CMC1: variants seen among roughly 807,000 people sequenced by gnomAD.
CMC1 encodes C-X9-C motif containing 1.
In CMC1, 14 loss-of-function variants were observed where a neutral mutation model predicts 14.1. The observed-to-expected ratio is 0.99, with a 90% CI of 0.66 to 1.55. The LOEUF is 1.55. Ranked by LOEUF, CMC1 falls within the 40% of genes most tolerant of loss-of-function variation. The pLI is 0.00. For missense variants in CMC1, 127 were observed against 123.8 expected, an observed-to-expected ratio of 1.03 and a Z score of -0.12; for synonymous variants, 50 against 38.4, an observed-to-expected ratio of 1.30 and a Z score of -1.12.
intron 2 of CMC1, chr3:28,292,631 G>A (rs2125552201): frequency 6.6e-6 from 1 of 152,158 alleles, no homozygotes; most frequent in African/African-American, 2.4e-5. Flanking sequence ...TTTTCCCATA[G>A]ATGCCTTAGG....
At chr3:28,251,089 A>G (rs1699103340) in intron 1 of CMC1, among the ~76,000 whole-genome samples, 1 of 152,220 alleles carries the variant, frequency 6.6e-6, no homozygotes, top group Admixed American at 6.5e-5. Flanking sequence ...GTTGCTATAA[A>G]TGAATACCTT....
In CMC1 at chr3:28,323,717, T is replaced by C. The variant is rs1703267028; in HGVS notation, c.*4088T>C. The C allele has an allele frequency of 5.2e-6, 1 of 194,038 alleles. No individual in the cohort carries two copies. Among genetic ancestry groups the C allele is most frequent in the Non-Finnish European group, 1.0e-5 (1 of 96,238 alleles). 12.0% of individuals were successfully genotyped at this position (194,038 alleles called of 1,614,324 possible). On this transcript the variant is annotated 3_prime_UTR_variant, in exon 4 of 4. Coordinates refer to ENST00000466830, the MANE Select transcript of CMC1 (RefSeq NM_182523.2). ...ATTTCACATTTTGTAAAACCACGTC[T>C]ACAATCTCCAATTCCATTCTTCTGA...
intron 2 of CMC1, chr3:28,294,392 C>T: frequency 1.8e-6 from 1 of 560,388 alleles, no homozygotes; most frequent in Non-Finnish European, 2.3e-6. Context: ...GTAGTATTTC[C>T]TTTTTGTCAT....
chr3:28,312,373 CT>C (rs1294754658), intron 2 of CMC1, among the ~76,000 whole-genome samples: 2 of 152,076 alleles, frequency 1.3e-5, no homozygotes, highest in Non-Finnish European at 2.9e-5. Context: ...GGGATTATTT[CT>C]TTTAATTTGA....
intron 2 of CMC1, chr3:28,291,703 C>G (rs1369321762): frequency 6.6e-6 from 1 of 152,028 alleles, no homozygotes; most frequent in Admixed American, 6.6e-5. Flanking sequence ...CTTCTGCCAC[C>G]TTTTTCTGAT....
intron 1 of CMC1, among the ~76,000 whole-genome samples, chr3:28,262,572 G>A (rs889508756): frequency 1.3e-5 from 2 of 152,036 alleles, no homozygotes; most frequent in Non-Finnish European, 2.9e-5. Flanking sequence ...TTTGGCATGC[G>A]TGTTTTTCCT....
chr3:28,321,028 ATCAAT>A lies in CMC1; in HGVS notation c.*1404_*1408del, dbSNP rs1204386399. On this transcript the variant is annotated 3_prime_UTR_variant, in exon 4 of 4. Transcript: ENST00000466830. ...AAGAATTTAAATAGGACACTAAAGA[ATCAAT>A]TCAAGTTCCACACTTTACTCTTGAG... 1 of 151,484 alleles carries A rather than the reference ATCAAT, an allele frequency of 6.6e-6. No individual in the cohort carries two copies. The highest frequency in any genetic ancestry group is 1.5e-5 in the Non-Finnish European group (1 of 67,622). 9.4% of individuals were successfully genotyped at this position (151,484 alleles called of 1,614,324 possible).
intron 1 of CMC1, among the ~76,000 whole-genome samples, chr3:28,251,869 G>T (rs4680748): frequency 2.6e-5 from 4 of 151,970 alleles, no homozygotes; most frequent in Non-Finnish European, 5.9e-5. Context: ...GAAGGCCACA[G>T]GTATGCTGTC....
chr3:28,297,772 A>G (rs540484751), intron 2 of CMC1, among the ~76,000 whole-genome samples: 2 of 152,190 alleles, frequency 1.3e-5, no homozygotes, highest in East Asian at 1.9e-4. Flanking sequence ...CTGTATTTCC[A>G]GTCCTACAAG....
At chr3:28,274,220 C>CTTTTTTTTTTTTTT (rs544985268) in intron 2 of CMC1, among the ~76,000 whole-genome samples, 8 of 112,324 alleles carry the variant, frequency 7.1e-5, no homozygotes, top group African/African-American at 1.3e-4. Context: ...TTGTTTTTTT[C>CTTTTTTTTTTTTTT]TTTTTTTTTT....
intron 2 of CMC1, among the ~76,000 whole-genome samples, chr3:28,264,437 A>C (rs1042634426): frequency 1.3e-5 from 2 of 152,188 alleles, no homozygotes; most frequent in African/African-American, 4.8e-5. Context: ...TGGAATCAAC[A>C]ATGTGTGATG....
At position 28,321,792 on chromosome 3, in the gene CMC1, C is replaced by CAGTA. The variant is rs536718220; in HGVS notation, c.*2167_*2170dup. ...ATTCAGTTCCATTTTGGCAGCAACT[C>CAGTA]AGTAAGTCTTACAGATGTAAATTTT... On this transcript the variant is annotated 3_prime_UTR_variant, in exon 4 of 4. Transcript: ENST00000466830. 3.0e-4 allele frequency: 45 copies of CAGTA among 151,408 alleles called. No individual in the cohort carries two copies. The highest frequency in any genetic ancestry group is 1.1e-3 in the African/African-American group (45 of 41,462). The allele number at this position is 151,408 out of a possible 1,614,324, so 9.4% of individuals were successfully genotyped here.
intron 1 of CMC1, among the ~76,000 whole-genome samples, chr3:28,251,461 T>G (rs1313660628): frequency 2.0e-5 from 3 of 152,132 alleles, no homozygotes; most frequent in African/African-American, 7.2e-5. Flanking sequence ...CTCCTTACAC[T>G]GCCACACTGG....
In CMC1 at chr3:28,324,401, GCA is replaced by G. The variant is rs763711823; in HGVS notation, c.*4773_*4774del. On this transcript the variant is annotated 3_prime_UTR_variant, in exon 4 of 4. Transcript: ENST00000466830. ...TATGTTGCAGTAAAATTCATCAAGT[GCA>G]GTTTTGTGCTGTCTCTTCCAAGGTC... 1 of 1,546,292 alleles carries G rather than the reference GCA, an allele frequency of 6.5e-7. No individual in the cohort carries two copies.
At chr3:28,276,516 C>T (rs1474092539) in intron 2 of CMC1, among the ~76,000 whole-genome samples, 1 of 152,108 alleles carries the variant, frequency 6.6e-6, no homozygotes, top group East Asian at 1.9e-4. Flanking sequence ...TAGACATTAA[C>T]TTTGAATTAT....
At chr3:28,248,500 C>A (rs1698944082) in intron 1 of CMC1, among the ~76,000 whole-genome samples, 1 of 152,082 alleles carries the variant, frequency 6.6e-6, no homozygotes, top group South Asian at 2.1e-4. Flanking sequence ...AAGGTTGCTT[C>A]AAGCCTTGAA....
At chr3:28,314,410 G>A (rs1251618918) in intron 2 of CMC1, among the ~76,000 whole-genome samples, 14 of 152,186 alleles carry the variant, frequency 9.2e-5, no homozygotes, top group Admixed American at 7.9e-4. Context: ...GATTTGACCT[G>A]TGTGGCCAGC....
chr3:28,265,948 GA>G (rs1307944104), intron 2 of CMC1, among the ~76,000 whole-genome samples: 6 of 152,266 alleles, frequency 3.9e-5, no homozygotes, highest in African/African-American at 1.4e-4. Context: ...AAATTGAACA[GA>G]ATTGGGTAAG....
At chr3:28,286,570 T>C (rs1577049732) in intron 2 of CMC1, among the ~76,000 whole-genome samples, 1 of 152,234 alleles carries the variant, frequency 6.6e-6, no homozygotes, top group Non-Finnish European at 1.5e-5. Flanking sequence ...TATACCTATT[T>C]GTACCATAGT....
Sources: gnomAD v4.1 joint callset for allele counts (sites outside exome capture counted in the v4.1 genomes callset) on GRCh38, gnomAD v4.1.1 for gene constraint, MANE v1.5 for transcripts, NCBI Gene and HGNC (gene_info 2026-07-23, HGNC 2026-07-21) for gene names.